Variants in SDK2 observed in about 807,000 individuals in gnomAD.
SDK2 encodes protein sidekick-2.
Under a neutral mutation model 253.9 loss-of-function variants are expected in SDK2, and 105 were observed. The observed-to-expected ratio is 0.41, with a 90% confidence interval of 0.35 to 0.49. SDK2 has a LOEUF of 0.49. SDK2 is among the 20% of genes least tolerant of loss of function. The pLI is 0.06. For missense variants in SDK2, 2,608 were observed against 3,003.0 expected, an observed-to-expected ratio of 0.87 and a Z score of 3.07; for synonymous variants, 1,249 against 1,234.9, an observed-to-expected ratio of 1.01 and a Z score of -0.24.
intron 4 of SDK2, among the ~76,000 whole-genome samples, chr17:73,453,370 G>GTTTTTTT (rs34814268): frequency 3.5e-5 from 5 of 141,220 alleles, no homozygotes; most frequent in Non-Finnish European, 6.1e-5. Context: ...CTGAGCTGGG[G>GTTTTTTT]TTTTTTTTTT....
intron 1 of SDK2, among the ~76,000 whole-genome samples, chr17:73,514,748 C>T (rs570608469): frequency 2.0e-4 from 30 of 152,314 alleles, no homozygotes; most frequent in Admixed American, 3.9e-4. Context: ...TCAGTCATCA[C>T]GAGCTTCCCT....
intron 1 of SDK2, among the ~76,000 whole-genome samples, chr17:73,632,995 A>G (rs939599860): frequency 6.6e-6 from 1 of 152,202 alleles, no homozygotes; most frequent in African/African-American, 2.4e-5. Context: ...TTTTAAAACT[A>G]AAATAGGCTG....
intron 12 of SDK2, among the ~76,000 whole-genome samples, chr17:73,425,837 T>C (rs1370815635): frequency 6.6e-6 from 1 of 151,864 alleles, no homozygotes; most frequent in Non-Finnish European, 1.5e-5. Flanking sequence ...TTGCTAGGCC[T>C]CAGTTGCCTC....
chr17:73,450,237 T>C lies in SDK2; in HGVS notation c.480-2489A>G, dbSNP rs2145649925. Among the ~76,000 whole-genome samples, 3 of 152,330 alleles carry C rather than the reference T, an allele frequency of 2.0e-5. No homozygotes were observed. The South Asian group carries it at 6.2e-4, about 32-fold the overall frequency. On this transcript the variant is annotated intron_variant, in intron 4 of 44. Transcript: ENST00000392650. ...AGCCTCTAAAGGGCATGCAGCTTCC[T>C]CCTTGCTGGGCCTCAGTTTCCTCCT...
intron 18 of SDK2, among the ~76,000 whole-genome samples, chr17:73,413,312 C>T (rs1187718110): frequency 6.6e-6 from 1 of 151,784 alleles, no homozygotes; most frequent in Non-Finnish European, 1.5e-5. Context: ...CCAGATCGGA[C>T]CATCTAGTTG....
intron 1 of SDK2, among the ~76,000 whole-genome samples, chr17:73,532,739 T>C (rs977035359): frequency 6.6e-6 from 1 of 152,070 alleles, no homozygotes; most frequent in African/African-American, 2.4e-5. Flanking sequence ...CTCTCTCTTG[T>C]CCCACCAGAG....
intron 1 of SDK2, among the ~76,000 whole-genome samples, chr17:73,599,017 C>T (rs948180257): frequency 6.6e-5 from 10 of 152,198 alleles, no homozygotes; most frequent in South Asian, 4.1e-4. Context: ...CGGACTTTTC[C>T]GGGTAAGGAG....
At position 73,435,328 on chromosome 17, in the gene SDK2, T is replaced by G; in HGVS notation, c.1195+122A>C. The G allele has an allele frequency of 1.0e-6, 1 of 1,001,540 alleles. No homozygotes were observed. Among genetic ancestry groups the G allele is most frequent in the Non-Finnish European group, 1.4e-6 (1 of 702,910 alleles). The allele number at this position is 1,001,540 out of a possible 1,614,324, so 62.0% of individuals were successfully genotyped here. A position where few individuals can be genotyped will look rare whatever the true frequency, so the allele number is the denominator to read the frequency against. ...CAGGCTGCTGGGCAGCAGGCGGCCT[T>G]TGGGGATCCTATCTGCTTAATGGAA... On this transcript the variant is annotated intron_variant, in intron 9 of 44. Transcript: ENST00000392650. This position sits in a 1 kb window ranked among gnomAD's most constrained non-coding sequence, Gnocchi z 5.7.
At chr17:73,377,037 TG>T (rs2062787538) in intron 36 of SDK2, among the ~76,000 whole-genome samples, 2 of 151,862 alleles carry the variant, frequency 1.3e-5, no homozygotes, top group African/African-American at 4.8e-5. Flanking sequence ...TCCCCACCTG[TG>T]GGATGAGGTG....
intron 1 of SDK2, among the ~76,000 whole-genome samples, chr17:73,545,098 C>G (rs536434024): frequency 7.5e-6 from 1 of 133,416 alleles, no homozygotes; most frequent in African/African-American, 3.2e-5. Context: ...TGCACGTGCA[C>G]GCACACACAC....
intron 1 of SDK2, among the ~76,000 whole-genome samples, chr17:73,545,551 G>T (rs1453389087): frequency 6.6e-6 from 1 of 152,218 alleles, no homozygotes; most frequent in Non-Finnish European, 1.5e-5. Context: ...AGCAGGCAAA[G>T]GGACCGGAAA....
At chr17:73,571,530 C>T (rs1034401355) in intron 1 of SDK2, among the ~76,000 whole-genome samples, 1 of 152,234 alleles carries the variant, frequency 6.6e-6, no homozygotes, top group Non-Finnish European at 1.5e-5. Flanking sequence ...GAGTCCAGCC[C>T]GGTGGCCCCC....
chr17:73,419,730 CA>C (rs1335442338), intron 15 of SDK2, among the ~76,000 whole-genome samples: 4 of 25,908 alleles, frequency 1.5e-4, no homozygotes, highest in African/African-American at 5.7e-4. Context: ...AAAAAAAACC[CA>C]AAAAAACTCC....
Position 73,616,209 on chromosome 17 carries a change from C to T in SDK2, c.64+27816G>A, listed in dbSNP as rs1158645749. On this transcript the variant is annotated intron_variant, in intron 1 of 44. Transcript: ENST00000392650. The surrounding 1 kb of genome is among the most constrained non-coding windows in gnomAD (Gnocchi z 5.2). ...ACTTGCATGCTACCTTGCAAACTGA[C>T]CTCAGGGCACTGTGAACCTTGTGCT... Among the ~76,000 whole-genome samples, 1 of 152,150 alleles carries T rather than the reference C, an allele frequency of 6.6e-6. No individual in the cohort carries two copies. Among genetic ancestry groups the T allele is most frequent in the Non-Finnish European group, 1.5e-5 (1 of 68,040 alleles).
rs113841469 is a variant in SDK2 at position 73,532,011 on chromosome 17, T to C, written c.65-24414A>G. ...TCGTGGTGCATTACAATGATCTCTATGCATTCGTCTCTCTCTAGAGACCAG... is the reference window on the plus strand; with the variant it reads ...TCGTGGTGCATTACAATGATCTCTACGCATTCGTCTCTCTCTAGAGACCAG... On this transcript the variant is annotated intron_variant, in intron 1 of 44. Coordinates refer to ENST00000392650, the MANE Select transcript of SDK2 (RefSeq NM_001144952.2). Among the ~76,000 whole-genome samples, 767 of 152,278 alleles carry C rather than the reference T, an allele frequency of 5.0e-3. 2 individuals carry two copies. Among genetic ancestry groups the C allele is most frequent in the African/African-American group, 0.017 (687 of 41,540 alleles).
chr17:73,430,423 C>A, intron 12 of SDK2, 88 bp downstream of exon 12: 1 of 989,364 alleles, frequency 1.0e-6, no homozygotes. Flanking sequence ...CAGCTGTTAC[C>A]TCCCTAATGT....
At chr17:73,599,227 G>C (rs2045803863) in intron 1 of SDK2, among the ~76,000 whole-genome samples, 1 of 152,190 alleles carries the variant, frequency 6.6e-6, no homozygotes, top group African/African-American at 2.4e-5. Context: ...GTAGGAGGGA[G>C]TGAGAAAAGA....
chr17:73,454,817 C>T (rs535435078), intron 4 of SDK2, among the ~76,000 whole-genome samples: 2 of 152,266 alleles, frequency 1.3e-5, no homozygotes, highest in South Asian at 2.1e-4. Context: ...GATTCTCCTG[C>T]CTCAGCCTCC....
intron 36 of SDK2, among the ~76,000 whole-genome samples, chr17:73,375,901 A>T (rs533577013): frequency 1.3e-5 from 2 of 148,550 alleles, no homozygotes; most frequent in Non-Finnish European, 3.0e-5. Flanking sequence ...AACTAAAATA[A>T]AATAAAATTT....
Sources: gnomAD v4.1 joint callset for allele counts (sites outside exome capture counted in the v4.1 genomes callset) on GRCh38, gnomAD v4.1.1 for gene constraint, Gnocchi (gnomAD v3.1) non-coding constraint, MANE v1.5 for transcripts, NCBI Gene and HGNC (gene_info 2026-07-23, HGNC 2026-07-21) for gene names.